Variants in CRYBG1 observed in about 807,000 individuals in gnomAD.
The protein encoded by CRYBG1 is beta/gamma crystallin domain-containing protein 1.
CRYBG1 carries 139 observed loss-of-function variants against 189.2 expected under a neutral mutation model. The observed-to-expected ratio is 0.73, with a 90% CI of 0.64 to 0.85. CRYBG1 has a LOEUF of 0.85. Among genes scored for constraint, CRYBG1 ranks in the 40% least tolerant of loss-of-function variants. The probability of loss-of-function intolerance (pLI) is 0.00; values close to 1 mark genes in which losing one functional copy is unlikely to be tolerated. For missense variants in CRYBG1, 2,611 were observed against 2,675.8 expected (o/e 0.98, Z 0.53); for synonymous variants, 1,023 against 1,017.1 (o/e 1.01, Z -0.11).
intron 2 of CRYBG1, among the ~76,000 whole-genome samples, chr6:106,452,230 A>T (rs1340557949): frequency 6.9e-6 from 1 of 145,086 alleles, no homozygotes; most frequent in Non-Finnish European, 1.5e-5. Context: ...AACATGATGA[A>T]ACCCAGACTC....
chr6:106,522,751 G>A (rs990644701), intron 4 of CRYBG1, among the ~76,000 whole-genome samples: 1 of 152,156 alleles, frequency 6.6e-6, no homozygotes, highest in Admixed American at 6.5e-5. Flanking sequence ...ACAGGGTACT[G>A]CAGCATGGTT....
Position 106,553,639 on chromosome 6 carries a change from A to C in CRYBG1, c.5585+72A>C. 5.9e-6 allele frequency: 6 copies of C among 1,023,370 alleles called. No homozygotes were observed. In the South Asian group the frequency reaches 7.8e-5, roughly 13 times the overall value. The allele number at this position is 1,023,370 out of a possible 1,614,324, so 63.4% of individuals were successfully genotyped here. A position where few individuals can be genotyped will look rare whatever the true frequency, so the allele number is the denominator to read the frequency against. ...AGAATTCACACATCAGCAAGTATAT[A>C]GTGATGCCTGTTAGGTGCTTGGCAC... On this transcript the variant is annotated intron_variant, in intron 16 of 21. Coordinates refer to ENST00000633556, the MANE Select transcript of CRYBG1 (RefSeq NM_001371242.2).
intron 2 of CRYBG1, among the ~76,000 whole-genome samples, chr6:106,477,597 C>A (rs376186146): frequency 6.6e-6 from 1 of 152,170 alleles, no homozygotes; most frequent in African/African-American, 2.4e-5. Flanking sequence ...TGTATTTGAG[C>A]CTTAGAAAAC....
chr6:106,504,049 C>A (rs72939415), intron 2 of CRYBG1, among the ~76,000 whole-genome samples: 2,422 of 49,510 alleles, frequency 0.049, 78 homozygotes, highest in Middle Eastern at 0.081. Context: ...AAAAAAAAAA[C>A]CACAACCATT....
At chr6:106,480,499 G>GAA (rs71703000) in intron 2 of CRYBG1, among the ~76,000 whole-genome samples, 2 of 109,700 alleles carry the variant, frequency 1.8e-5, no homozygotes. Context: ...TTTCTCTACT[G>GAA]AAAAAAAAAA....
intron 1 of CRYBG1, among the ~76,000 whole-genome samples, chr6:106,399,832 C>A (rs1426254941): frequency 6.6e-6 from 1 of 151,514 alleles, no homozygotes; most frequent in Non-Finnish European, 1.5e-5. Context: ...AATTCTTTTA[C>A]CTTTTGTAGA....
chr6:106,490,299 C>T (rs1039009963), intron 2 of CRYBG1, among the ~76,000 whole-genome samples: 1 of 152,196 alleles, frequency 6.6e-6, no homozygotes, highest in East Asian at 1.9e-4. Flanking sequence ...CCAGGCTTGC[C>T]TGGCATGAGG....
intron 13 of CRYBG1, among the ~76,000 whole-genome samples, chr6:106,547,772 G>A (rs1471644851): frequency 6.6e-6 from 1 of 152,096 alleles, no homozygotes; most frequent in Non-Finnish European, 1.5e-5. Flanking sequence ...CTCATCATTA[G>A]TCCTGAAACA....
chr6:106,403,211 C>T (rs375576269), intron 1 of CRYBG1, among the ~76,000 whole-genome samples: 3 of 152,262 alleles, frequency 2.0e-5, no homozygotes, highest in African/African-American at 7.2e-5. Context: ...GCAGCATGTG[C>T]CTGTAGTCCC....
chr6:106,521,484 G>A, intron 4 of CRYBG1, 31 bp downstream of exon 4: 2 of 1,522,084 alleles, frequency 1.3e-6, no homozygotes, highest in South Asian at 2.6e-5. Flanking sequence ...ATTTATTTGG[G>A]GTATTTTTAA....
chr6:106,461,242 A>T (rs1385217929), intron 2 of CRYBG1, among the ~76,000 whole-genome samples: 4 of 142,328 alleles, frequency 2.8e-5, no homozygotes, highest in African/African-American at 5.3e-5. Context: ...TCCTCCAGGA[A>T]TACTTGAGTG....
intron 1 of CRYBG1, among the ~76,000 whole-genome samples, chr6:106,370,358 T>TG (rs1463526301): frequency 1.3e-5 from 2 of 152,160 alleles, no homozygotes; most frequent in East Asian, 1.9e-4. Flanking sequence ...AAGTGGTAGA[T>TG]GGGGGGCCCT....
Position 106,571,902 on chromosome 6 carries a change from G to C in CRYBG1, c.*3336G>C. ...TATCATGGAATGTATAATCTAATCT[G>C]GAAAAATGTTTGAAAGGGATGGCTA... On this transcript the variant is annotated 3_prime_UTR_variant, in exon 22 of 22. Transcript: ENST00000633556. 2.6e-6 allele frequency: 2 copies of C among 763,082 alleles called. No individual in the cohort carries two copies. The highest frequency in any genetic ancestry group is 3.1e-5 in the South Asian group (2 of 64,014). The allele number at this position is 763,082 out of a possible 1,614,324, so 47.3% of individuals were successfully genotyped here.
intron 2 of CRYBG1, among the ~76,000 whole-genome samples, chr6:106,453,106 C>A (rs137913508): frequency 1.3e-4 from 20 of 152,020 alleles, no homozygotes; most frequent in African/African-American, 4.8e-4. Context: ...CTTAAACTAC[C>A]GTTAGTGTAG....
At chr6:106,539,723 C>G (rs1021100820) in intron 9 of CRYBG1, among the ~76,000 whole-genome samples, 194 bp downstream of exon 9, 1 of 140,698 alleles carries the variant, frequency 7.1e-6, no homozygotes. Context: ...AAAAAAAAGG[C>G]AGGTAAGACT....
intron 1 of CRYBG1, among the ~76,000 whole-genome samples, chr6:106,414,440 T>C (rs1269810911): frequency 6.6e-6 from 1 of 152,204 alleles, no homozygotes; most frequent in Non-Finnish European, 1.5e-5. Context: ...CTCCCAAGAA[T>C]TGGAGGCAGA....
At chr6:106,400,147 A>G (rs1770694274) in intron 1 of CRYBG1, among the ~76,000 whole-genome samples, 1 of 150,232 alleles carries the variant, frequency 6.7e-6, no homozygotes, top group African/African-American at 2.4e-5. Flanking sequence ...AAAAAAAAAA[A>G]AAAAAAAAAA....
intron 2 of CRYBG1, among the ~76,000 whole-genome samples, chr6:106,500,205 T>A (rs1249618654): frequency 6.6e-6 from 1 of 152,166 alleles, no homozygotes; most frequent in African/African-American, 2.4e-5. Flanking sequence ...TTGCTGGCAG[T>A]TCTATTTTTG....
intron 2 of CRYBG1, among the ~76,000 whole-genome samples, chr6:106,468,695 A>G (rs1772162291): frequency 6.6e-6 from 1 of 152,220 alleles, no homozygotes; most frequent in South Asian, 2.1e-4. Flanking sequence ...GTCTCAAAAA[A>G]TCATAATAAA....
Sources: allele counts gnomAD v4.1 joint callset (sites outside exome capture counted in the v4.1 genomes callset), GRCh38; gene constraint gnomAD v4.1.1; transcripts MANE v1.5; gene names NCBI Gene and HGNC (gene_info 2026-07-23, HGNC 2026-07-21).